GRID2: variants seen among roughly 807,000 people sequenced by gnomAD.
The protein encoded by GRID2 is glutamate receptor ionotropic, delta-2.
Under a neutral mutation model 114.8 loss-of-function variants are expected in GRID2, and 33 were observed. That is an observed-to-expected ratio of 0.29 (90% CI 0.22 to 0.38). The LOEUF (loss-of-function observed/expected upper bound fraction) is 0.38, where lower values mean the gene tolerates loss of function less well. Ranked by LOEUF, GRID2 falls within the 10% of genes least tolerant of loss-of-function variation. The pLI is 1.00. For synonymous variants in GRID2, 505 were observed against 449.9 expected (o/e 1.12, Z -1.55); for missense variants, 1,184 against 1,257.7 (o/e 0.94, Z 0.89).
intron 1 of GRID2, among the ~76,000 whole-genome samples, chr4:93,797,032 A>G (rs1227932402): frequency 6.6e-6 from 1 of 152,238 alleles, no homozygotes; most frequent in Admixed American, 6.5e-5. Flanking sequence ...GATGTGAGGT[A>G]TAGCCGATTG....
intron 13 of GRID2, among the ~76,000 whole-genome samples, chr4:93,561,391 A>T (rs1734910159): frequency 6.6e-6 from 1 of 152,142 alleles, no homozygotes; most frequent in South Asian, 2.1e-4. Context: ...TTCTCAGGGT[A>T]GTTTTAGGTT....
chr4:93,124,682 C>T (rs984775728), intron 4 of GRID2, among the ~76,000 whole-genome samples: 3 of 152,002 alleles, frequency 2.0e-5, no homozygotes, highest in African/African-American at 4.8e-5. Context: ...ACGGTAATGC[C>T]ACCCCATGAA....
intron 13 of GRID2, among the ~76,000 whole-genome samples, chr4:93,534,859 T>C (rs1731871188): frequency 6.6e-6 from 1 of 151,704 alleles, no homozygotes; most frequent in African/African-American, 2.4e-5. Flanking sequence ...TTTTTTTTTT[T>C]TTGGTAAGAA....
chr4:93,457,758 T>G (rs1025454081), intron 11 of GRID2, among the ~76,000 whole-genome samples: 5 of 152,076 alleles, frequency 3.3e-5, no homozygotes, highest in African/African-American at 1.2e-4. Flanking sequence ...TTATCCTAGG[T>G]TTTTGAATAG....
chr4:93,111,710 A>G (rs1291237701), intron 4 of GRID2, among the ~76,000 whole-genome samples: 1 of 150,200 alleles, frequency 6.7e-6, no homozygotes, highest in Non-Finnish European at 1.5e-5. Flanking sequence ...GAATTTTTAA[A>G]AATATTTTAA....
chr4:93,136,224 AAC>A (rs1471623403), intron 4 of GRID2, among the ~76,000 whole-genome samples: 1 of 143,248 alleles, frequency 7.0e-6, no homozygotes, highest in Non-Finnish European at 1.5e-5. Flanking sequence ...TAAAAATTCC[AAC>A]AGTTATTGTG....
chr4:93,516,811 T>C (rs1445268579), intron 13 of GRID2, among the ~76,000 whole-genome samples: 4 of 152,152 alleles, frequency 2.6e-5, no homozygotes, highest in African/African-American at 4.8e-5. Context: ...TGAGTTATTT[T>C]CCTTTATATC....
At chr4:92,916,982 G>A (rs1328756577) in intron 2 of GRID2, among the ~76,000 whole-genome samples, 2 of 152,152 alleles carry the variant, frequency 1.3e-5, no homozygotes, top group African/African-American at 4.8e-5. Context: ...CCCACCAACA[G>A]TGTAAAAGTG....
chr4:92,412,108 T>G (rs1044563858), intron 1 of GRID2, among the ~76,000 whole-genome samples: 12 of 151,294 alleles, frequency 7.9e-5, no homozygotes, highest in African/African-American at 2.5e-4. Context: ...TATATCGTGT[T>G]TTTTGTGCCT....
intron 2 of GRID2, among the ~76,000 whole-genome samples, chr4:92,594,543 C>T (rs1200525717): frequency 6.6e-6 from 1 of 151,812 alleles, no homozygotes; most frequent in African/African-American, 2.4e-5. Flanking sequence ...GCTGAAATTG[C>T]CTCCTAGTTT....
chr4:93,168,241 A>G (rs184985855), intron 4 of GRID2, among the ~76,000 whole-genome samples: 5 of 151,788 alleles, frequency 3.3e-5, no homozygotes, highest in South Asian at 2.1e-4. Flanking sequence ...GAAAGGAAAG[A>G]AAAGGAAAGG....
chr4:92,649,759 G>C (rs1161972567), intron 2 of GRID2, among the ~76,000 whole-genome samples: 1 of 151,954 alleles, frequency 6.6e-6, no homozygotes, highest in African/African-American at 2.4e-5. Flanking sequence ...TCTTTCCTCT[G>C]AAGTGGAGGT....
chr4:93,216,059 T>G (rs1339572810), intron 5 of GRID2, among the ~76,000 whole-genome samples: 1 of 152,126 alleles, frequency 6.6e-6, no homozygotes, highest in Non-Finnish European at 1.5e-5. Flanking sequence ...TAGATAAAAT[T>G]AATTTAGATA....
intron 2 of GRID2, among the ~76,000 whole-genome samples, chr4:92,873,705 TTTTG>T (rs1745434703): frequency 1.3e-5 from 2 of 152,210 alleles, no homozygotes; most frequent in Admixed American, 6.5e-5. Context: ...ATTGAGGTTT[TTTTG>T]TTTGTTTGTT....
chr4:93,386,046 T>TA (rs939916854), intron 8 of GRID2, among the ~76,000 whole-genome samples: 143 of 150,104 alleles, frequency 9.5e-4, no homozygotes, highest in Middle Eastern at 3.4e-3. Context: ...GGTTTATTAT[T>TA]AAAAAAAAAA....
At chr4:93,200,869 A>G (rs1742030424) in intron 4 of GRID2, among the ~76,000 whole-genome samples, 2 of 152,216 alleles carry the variant, frequency 1.3e-5, no homozygotes, top group Non-Finnish European at 2.9e-5. Flanking sequence ...AATCCATCTG[A>G]AATATTCTAT....
intron 1 of GRID2, among the ~76,000 whole-genome samples, chr4:93,789,690 T>C (rs1392825606): frequency 6.6e-6 from 1 of 152,212 alleles, no homozygotes; most frequent in Non-Finnish European, 1.5e-5. Context: ...TTTTCAATTT[T>C]GAAAGAAAAT....
At chr4:92,975,105 A>C (rs995002324) in intron 2 of GRID2, among the ~76,000 whole-genome samples, 6 of 139,318 alleles carry the variant, frequency 4.3e-5, no homozygotes, top group Non-Finnish European at 9.1e-5. Context: ...TGCAGTGAGC[A>C]GAGATCGCAC....
At chr4:92,821,628 G>A (rs1741288421) in intron 2 of GRID2, among the ~76,000 whole-genome samples, 1 of 152,058 alleles carries the variant, frequency 6.6e-6, no homozygotes, top group Non-Finnish European at 1.5e-5. Context: ...AAGAAAACCA[G>A]ATCATTCTAC....
Sources: gnomAD v4.1 joint callset for allele counts (sites outside exome capture counted in the v4.1 genomes callset) on GRCh38, gnomAD v4.1.1 for gene constraint, MANE v1.5 for transcripts, NCBI Gene and HGNC (gene_info 2026-07-23, HGNC 2026-07-21) for gene names.